Variants in ELF2 observed in about 807,000 individuals in gnomAD.
The protein encoded by ELF2 is ETS-related transcription factor Elf-2.
ELF2 carries 11 observed loss-of-function variants against 54.8 expected under a neutral mutation model. That is an observed-to-expected ratio of 0.20 (90% CI 0.13 to 0.33). The LOEUF (loss-of-function observed/expected upper bound fraction) is 0.33, where lower values mean the gene tolerates loss of function less well. Ranked by LOEUF, ELF2 falls within the 10% of genes least tolerant of loss-of-function variation. The probability of loss-of-function intolerance (pLI) is 1.00; values close to 1 mark genes in which losing one functional copy is unlikely to be tolerated. For synonymous variants in ELF2, 203 were observed against 245.1 expected (o/e 0.83, Z 1.61); for missense variants, 513 against 703.0 (o/e 0.73, Z 3.06).
At chr4:139,160,992 T>C (rs967078962) in intron 1 of ELF2, among the ~76,000 whole-genome samples, 5 of 151,814 alleles carry the variant, frequency 3.3e-5, no homozygotes, top group Non-Finnish European at 5.9e-5. Flanking sequence ...AAAATAAAAT[T>C]CTAAAATGAA....
intron 4 of ELF2, among the ~76,000 whole-genome samples, chr4:139,118,617 T>C (rs1735994116): frequency 6.6e-6 from 1 of 150,998 alleles, no homozygotes. Flanking sequence ...TAAATGGAGA[T>C]GCCAGAGCAC....
At chr4:139,104,300 A>G (rs972744037) in intron 4 of ELF2, among the ~76,000 whole-genome samples, 1 of 152,150 alleles carries the variant, frequency 6.6e-6, no homozygotes, top group African/African-American at 2.4e-5. Context: ...ACTTGAGGTC[A>G]GGAGTTCGAG....
chr4:139,176,280 T>C (rs1355485698), intron 1 of ELF2, among the ~76,000 whole-genome samples: 1 of 152,068 alleles, frequency 6.6e-6, no homozygotes, highest in Non-Finnish European at 1.5e-5. Context: ...GGTGCCGGCG[T>C]GGAGAGCGAG....
At chr4:139,065,623 T>C (rs1728576966) in intron 7 of ELF2, among the ~76,000 whole-genome samples, 1 of 152,218 alleles carries the variant, frequency 6.6e-6, no homozygotes, top group Non-Finnish European at 1.5e-5. Flanking sequence ...GGACTTTGAA[T>C]ACAGGTTTGA....
At chr4:139,146,052 AG>A (rs768995130) in intron 1 of ELF2, among the ~76,000 whole-genome samples, 2 of 152,226 alleles carry the variant, frequency 1.3e-5, no homozygotes, top group Non-Finnish European at 2.9e-5. Flanking sequence ...AAAGAAATAA[AG>A]GGCATCCAAA....
intron 1 of ELF2, among the ~76,000 whole-genome samples, chr4:139,154,263 G>C (rs895770684): frequency 6.6e-6 from 1 of 151,992 alleles, no homozygotes; most frequent in Non-Finnish European, 1.5e-5. Flanking sequence ...ACCTGATGTT[G>C]GGCAGTTACT....
intron 1 of ELF2, among the ~76,000 whole-genome samples, chr4:139,151,089 A>AAAGG (rs1491448578): frequency 6.6e-6 from 1 of 150,452 alleles, no homozygotes; most frequent in East Asian, 1.9e-4. Context: ...AGAAAGAAAG[A>AAAGG]AAGAAAAAGA....
intron 4 of ELF2, among the ~76,000 whole-genome samples, chr4:139,113,262 G>A (rs1251707734): frequency 6.6e-6 from 1 of 151,968 alleles, no homozygotes; most frequent in African/African-American, 2.4e-5. Context: ...GGAGGCTAAG[G>A]TGGGAGGAGC....
chr4:139,112,985 A>C (rs1406788600), intron 4 of ELF2, among the ~76,000 whole-genome samples: 21 of 152,366 alleles, frequency 1.4e-4, no homozygotes, highest in Non-Finnish European at 2.6e-4. Flanking sequence ...AATATCTTTT[A>C]ATGATCTATC....
intron 1 of ELF2, among the ~76,000 whole-genome samples, chr4:139,167,750 T>G (rs947003009): frequency 6.6e-6 from 1 of 152,200 alleles, no homozygotes; most frequent in Non-Finnish European, 1.5e-5. Flanking sequence ...GGGACAAGTC[T>G]GGTACTCGAA....
rs184561623 is a variant in ELF2 at position 139,112,903 on chromosome 4, T to C, written c.238+12261A>G. ...GAACAAGACTCCGTATCAAAAAAGA[T>C]AAATAAAAAAAATTTTTTAAGTCTC... On this transcript the variant is annotated intron_variant, in intron 4 of 9. Transcript: ENST00000686138. Among the ~76,000 whole-genome samples, 832 of 150,988 alleles carry C rather than the reference T, an allele frequency of 5.5e-3. 3 individuals carry two copies. Among genetic ancestry groups the C allele is most frequent in the Non-Finnish European group, 8.5e-3 (571 of 67,566 alleles).
At position 139,125,180 on chromosome 4, in the gene ELF2, G is replaced by A. The variant is rs777825687; in HGVS notation, c.222C>T (p.Thr74=). The A allele has an allele frequency of 1.7e-5, 28 of 1,607,394 alleles. No homozygotes were observed. Among genetic ancestry groups the A allele is most frequent in the East Asian group, 1.1e-4 (5 of 44,746 alleles). The change falls in exon 4 of 10, where the codon ACC becomes ACT. Residue 74 remains threonine (T), a synonymous_variant. Transcript: ENST00000686138. ...GATGTCTACCTGTTTCCACATTCTCGGTCTCAACTTCTTGTTCTTCTGCCA... is the reference window on the plus strand; with the variant it reads ...GATGTCTACCTGTTTCCACATTCTCAGTCTCAACTTCTTGTTCTTCTGCCA... The part of the protein sequence containing the change: ...QDVAEEQEVE[T]ENVETVEASV...
intron 4 of ELF2, among the ~76,000 whole-genome samples, chr4:139,088,629 G>A (rs564697691): frequency 3.9e-5 from 6 of 152,032 alleles, no homozygotes; most frequent in East Asian, 3.9e-4. Context: ...CTACACAACC[G>A]TTAAATGTGA....
intron 1 of ELF2, among the ~76,000 whole-genome samples, chr4:139,143,023 C>T (rs1738869616): frequency 6.6e-6 from 1 of 152,166 alleles, no homozygotes; most frequent in Non-Finnish European, 1.5e-5. Context: ...GTAGGATGCA[C>T]CAGGAATCTG....
Position 139,148,316 on chromosome 4 carries a change from A to ATTTTT in ELF2, c.-251-8824_-251-8820dup, listed in dbSNP as rs772079635. On this transcript the variant is annotated intron_variant, in intron 1 of 9. Transcript: ENST00000686138. The stretch of plus-strand genomic sequence containing the variant: ...AGACAGGTGAAGTCATACCTGGCTA[A>ATTTTT]TTTTTTTTTTTTTTTTTTTTTTTTT... Among the ~76,000 whole-genome samples the ATTTTT allele has an allele frequency of 3.3e-3, 214 of 64,588 alleles. 6 individuals carry two copies. Among genetic ancestry groups the ATTTTT allele is most frequent in the Middle Eastern group, 0.019 (1 of 54 alleles). The allele number at this position is 64,588 out of a possible 152,430, so 42.4% of individuals were successfully genotyped here. A position where few individuals can be genotyped will look rare whatever the true frequency, so the allele number is the denominator to read the frequency against.
intron 7 of ELF2, chr4:139,066,162 A>T (rs1728679687): frequency 6.6e-6 from 1 of 151,984 alleles, no homozygotes; most frequent in Admixed American, 6.6e-5. Flanking sequence ...AATAAATTTA[A>T]ATATATTAAT....
chr4:139,148,159 T>C (rs72931845), intron 1 of ELF2, among the ~76,000 whole-genome samples: 2,865 of 151,268 alleles, frequency 0.019, 37 homozygotes, highest in East Asian at 0.038. Flanking sequence ...TTCTGGCCAT[T>C]TCATATGAAT....
intron 4 of ELF2, among the ~76,000 whole-genome samples, chr4:139,078,377 C>T (rs2148713765): frequency 6.6e-6 from 1 of 152,228 alleles, no homozygotes; most frequent in South Asian, 2.1e-4. Flanking sequence ...AACTGCAGCA[C>T]CCGATTTACC....
At chr4:139,109,375 A>C (rs1734733839) in intron 4 of ELF2, among the ~76,000 whole-genome samples, 1 of 152,216 alleles carries the variant, frequency 6.6e-6, no homozygotes, top group African/African-American at 2.4e-5. Flanking sequence ...ATGAGGTAAA[A>C]GGCTAAATAT....
Sources: gnomAD v4.1 joint callset for allele counts (sites outside exome capture counted in the v4.1 genomes callset) on GRCh38, gnomAD v4.1.1 for gene constraint, MANE v1.5 for transcripts, NCBI Gene and HGNC (gene_info 2026-07-23, HGNC 2026-07-21) for gene names.